The following CFAP47 variants were observed in gnomAD, a reference collection of about 807,000 sequenced individuals.
The protein encoded by CFAP47 is cilia- and flagella-associated protein 47.
A neutral mutation model predicts 148.1 loss-of-function variants in CFAP47; 29 were observed. The ratio of observed to expected loss-of-function variants is 0.20; its 90% CI spans 0.15 to 0.27. The LOEUF (loss-of-function observed/expected upper bound fraction) is 0.27. Among genes scored for constraint, CFAP47 ranks in the 10% least tolerant of loss-of-function variants. The probability of loss-of-function intolerance (pLI) is 1.00; values close to 1 mark genes in which losing one functional copy is unlikely to be tolerated. For missense variants in CFAP47, 1,872 were observed against 1,697.5 expected (o/e 1.10, Z -1.81); for synonymous variants, 664 against 577.3 (o/e 1.15, Z -2.15).
chrX:36,385,239 G>A lies in CFAP47; in HGVS notation c.*233G>A. 3.3e-6 allele frequency: 1 copy of A among 307,373 alleles called. No individual in the cohort carries two copies. Among genetic ancestry groups the A allele is most frequent in the Non-Finnish European group, 5.7e-6 (1 of 176,907 alleles). The allele number at this position is 307,373 out of a possible 1,213,427, so 25.3% of individuals were successfully genotyped here. ...ACTTTTAAAGTGCAGGTGTATATTT[G>A]TGGTAAAACGAAATATAATTTAAAT... is the stretch of plus-strand genomic sequence containing the variant. On this transcript the variant is annotated 3_prime_UTR_variant, in exon 64 of 64. Coordinates refer to ENST00000378653, the MANE Select transcript of CFAP47 (RefSeq NM_001304548.2).
intron 29 of CFAP47, among the ~76,000 whole-genome samples, chrX:36,077,959 G>A (rs1937897596): frequency 9.0e-6 from 1 of 110,862 alleles, no homozygotes; most frequent in Admixed American, 9.6e-5. Context: ...AACCCATGAG[G>A]CGGAGGTTGC....
intron 8 of CFAP47, among the ~76,000 whole-genome samples, chrX:35,963,871 T>C (rs1936366691): frequency 9.0e-6 from 1 of 111,691 alleles, no homozygotes; most frequent in Non-Finnish European, 1.9e-5. Flanking sequence ...ATTATGGTTC[T>C]TGTCTCCTCT....
intron 56 of CFAP47, among the ~76,000 whole-genome samples, chrX:36,315,789 C>T (rs1366811399): frequency 9.0e-6 from 1 of 111,374 alleles, no homozygotes; most frequent in East Asian, 2.8e-4. Flanking sequence ...AGTTCCCTAG[C>T]TGCCTTGAGC....
At chrX:36,011,313 C>A (rs1290970574) in intron 21 of CFAP47, among the ~76,000 whole-genome samples, 1 of 111,873 alleles carries the variant, frequency 8.9e-6, no homozygotes, top group Non-Finnish European at 1.9e-5. Context: ...TTTTTACTTA[C>A]CACTTGCACT....
chrX:36,292,807 G>T lies in CFAP47; in HGVS notation c.7687-6170G>T, dbSNP rs781802196. On this transcript the variant is annotated intron_variant, in intron 51 of 63. Transcript: ENST00000378653. The stretch of plus-strand genomic sequence containing the variant: ...CTGTAACTTTCAAGTAAGGAGGCAG[G>T]CTGAATTAACTGGAGACTTTTAAAT... Among the ~76,000 whole-genome samples, 21 of 111,511 alleles carry T rather than the reference G, an allele frequency of 1.9e-4. No homozygotes were observed. The South Asian group carries it at 7.4e-3, about 39-fold the overall frequency.
intron 57 of CFAP47, among the ~76,000 whole-genome samples, chrX:36,326,707 G>A (rs781896748): frequency 1.9e-4 from 21 of 112,082 alleles, no homozygotes; most frequent in Non-Finnish European, 2.4e-4. Flanking sequence ...TTTCTAAGCA[G>A]CAAAGTGTTC....
intron 57 of CFAP47, among the ~76,000 whole-genome samples, chrX:36,320,466 G>A (rs781838650): frequency 8.9e-6 from 1 of 111,827 alleles, no homozygotes; most frequent in South Asian, 3.7e-4. Context: ...CAAGGGACAG[G>A]TGGATGTTAT....
chrX:36,319,770 A>C (rs1941463531), intron 57 of CFAP47, among the ~76,000 whole-genome samples: 1 of 110,825 alleles, frequency 9.0e-6, no homozygotes, highest in Admixed American at 9.7e-5. Context: ...ACAGGGTATA[A>C]ATTTTTGTTG....
chrX:36,064,179 TTTGA>T (rs1181910599), intron 26 of CFAP47, among the ~76,000 whole-genome samples: 1 of 112,520 alleles, frequency 8.9e-6, no homozygotes, highest in African/African-American at 3.2e-5. Context: ...CTAATGAAAT[TTTGA>T]TTGATCACTA....
intron 42 of CFAP47, among the ~76,000 whole-genome samples, chrX:36,198,577 G>A (rs1939943851): frequency 8.9e-6 from 1 of 112,648 alleles, no homozygotes; most frequent in Admixed American, 9.4e-5. Flanking sequence ...ATCCCCGTAA[G>A]TGACAGCTTT....
At chrX:35,928,577 C>A (rs1421501633) in intron 2 of CFAP47, among the ~76,000 whole-genome samples, 1 of 110,861 alleles carries the variant, frequency 9.0e-6, no homozygotes, top group Non-Finnish European at 1.9e-5. Context: ...ATGTGGCTTG[C>A]AAATATGTTC....
chrX:35,934,831 C>T (rs1443645981), intron 2 of CFAP47, among the ~76,000 whole-genome samples: 2 of 111,307 alleles, frequency 1.8e-5, no homozygotes, highest in Non-Finnish European at 1.9e-5. Flanking sequence ...TTCCTTCTGG[C>T]CCAGGGTGTG....
At chrX:36,276,210 T>C (rs1941015721) in intron 49 of CFAP47, among the ~76,000 whole-genome samples, 1 of 110,759 alleles carries the variant, frequency 9.0e-6, no homozygotes, top group Non-Finnish European at 1.9e-5. Context: ...ACATTTAATA[T>C]ACAAGTTATT....
Position 35,949,574 on chromosome X carries a change from A to G in CFAP47, c.656+1122A>G, listed in dbSNP as rs778322882. Among the ~76,000 whole-genome samples the G allele has an allele frequency of 2.5e-4, 28 of 111,535 alleles. No individual in the cohort carries two copies. In the South Asian group the frequency reaches 8.0e-3, roughly 32 times the overall value. On this transcript the variant is annotated intron_variant, in intron 4 of 63. Coordinates refer to ENST00000378653, the MANE Select transcript of CFAP47 (RefSeq NM_001304548.2). ...AGGTGGAACAGGGTTATGGGAGAGGATCTTAAATTCAGTTTTGATATGTTG... is the reference window on the plus strand; with the variant it reads ...AGGTGGAACAGGGTTATGGGAGAGGGTCTTAAATTCAGTTTTGATATGTTG...
In CFAP47 at chrX:36,254,969, C is replaced by A. The variant is rs148566450; in HGVS notation, c.7444+3525C>A. Among the ~76,000 whole-genome samples, 222 of 111,561 alleles carry A rather than the reference C, an allele frequency of 2.0e-3. 1 individual carries two copies. The highest frequency in any genetic ancestry group is 6.8e-3 in the African/African-American group (210 of 30,683). On this transcript the variant is annotated intron_variant, in intron 49 of 63. Transcript: ENST00000378653. ...ACTGACAGCATGTACTAATGTTATA[C>A]CAATATTATATTTGGTATGTTTGTT...
chrX:36,124,956 A>G (rs1211945471), intron 33 of CFAP47, among the ~76,000 whole-genome samples: 1 of 111,645 alleles, frequency 9.0e-6, no homozygotes, highest in Admixed American at 9.6e-5. Context: ...AATAGAATTT[A>G]GTATAATGAG....
At chrX:36,138,169 A>G in intron 34 of CFAP47, 114 bp downstream of exon 34, 1 of 549,187 alleles carries the variant, frequency 1.8e-6, no homozygotes, top group East Asian at 4.0e-5. Flanking sequence ...CATTCAAGTC[A>G]AACACCTGAA....
intron 57 of CFAP47, among the ~76,000 whole-genome samples, chrX:36,346,914 C>A (rs1468981583): frequency 8.9e-6 from 1 of 111,919 alleles, no homozygotes; most frequent in Non-Finnish European, 1.9e-5. Flanking sequence ...AAAGCAATGG[C>A]AACAAAAGCC....
At chrX:36,269,815 T>TC (rs2146936769) in intron 49 of CFAP47, among the ~76,000 whole-genome samples, 1 of 112,003 alleles carries the variant, frequency 8.9e-6, no homozygotes, top group East Asian at 2.8e-4. Context: ...CCCCTTCCCC[T>TC]CATATGCTAG....
Sources: allele counts gnomAD v4.1 joint callset (sites outside exome capture counted in the v4.1 genomes callset), GRCh38; gene constraint gnomAD v4.1.1; transcripts MANE v1.5; gene names NCBI Gene and HGNC (gene_info 2026-07-23, HGNC 2026-07-21).